Variants in RFWD3 observed in about 807,000 individuals in gnomAD.
The protein encoded by RFWD3 is ring finger and WD repeat domain 3, also known as E3 ubiquitin-protein ligase RFWD3.
A neutral mutation model predicts 87.7 loss-of-function variants in RFWD3; 65 were observed. The observed-to-expected ratio is 0.74, with a 90% CI of 0.61 to 0.91. RFWD3 has a LOEUF of 0.91. Among genes scored for constraint, RFWD3 ranks in the 40% least tolerant of loss-of-function variants. The probability of loss-of-function intolerance (pLI) is 0.00; values close to 1 mark genes in which losing one functional copy is unlikely to be tolerated. For missense variants in RFWD3, 1,078 were observed against 938.5 expected, an observed-to-expected ratio of 1.15 and a Z score of -1.94; for synonymous variants, 433 against 352.8, an observed-to-expected ratio of 1.23 and a Z score of -2.55.
intron 4 of RFWD3, among the ~76,000 whole-genome samples, chr16:74,647,192 T>G (rs555085125): frequency 6.6e-6 from 1 of 151,926 alleles, no homozygotes; most frequent in Non-Finnish European, 1.5e-5. Context: ...AAAGAGCACA[T>G]AGAAATATGC....
At chr16:74,632,185 T>C (rs1462800139) in intron 9 of RFWD3, among the ~76,000 whole-genome samples, 1 of 150,976 alleles carries the variant, frequency 6.6e-6, no homozygotes, top group Non-Finnish European at 1.5e-5. Flanking sequence ...GGTCAGGAGA[T>C]TGAGCCCATC....
At chr16:74,639,418 G>A (rs994474495) in intron 6 of RFWD3, among the ~76,000 whole-genome samples, 2 of 152,150 alleles carry the variant, frequency 1.3e-5, no homozygotes, top group Non-Finnish European at 2.9e-5. Flanking sequence ...GGCCACCATC[G>A]TATATGCAAT....
chr16:74,657,159 G>A (rs922086135), intron 2 of RFWD3, among the ~76,000 whole-genome samples: 1 of 152,206 alleles, frequency 6.6e-6, no homozygotes, highest in Non-Finnish European at 1.5e-5. Context: ...CTCTGGGAAT[G>A]AGGCTTTGAA....
rs200603961 is a variant in RFWD3 at position 74,626,436 on chromosome 16, G to A, written c.2088C>T (p.Cys696=). 4.3e-6 allele frequency: 7 copies of A among 1,614,124 alleles called. No homozygotes were observed. The East Asian group carries it at 1.6e-4, about 36-fold the overall frequency. The change falls in exon 12 of 13, where the codon TGC becomes TGT. Residue 696 remains cysteine, a synonymous_variant. Transcript: ENST00000361070. ...PVHTFFGGPT[C]KLLTKNAIFQ... ...AAATGGCATTTTTGGTCAATAGTTT[G>A]CAAGTAGGTCCTCCAAAAAATGTAT...
chr16:74,642,308 A>G (rs1416536903), intron 6 of RFWD3, among the ~76,000 whole-genome samples: 10 of 151,746 alleles, frequency 6.6e-5, no homozygotes, highest in Admixed American at 1.3e-4. Flanking sequence ...ATTTTTAGTA[A>G]AGATGGGGTT....
intron 2 of RFWD3, among the ~76,000 whole-genome samples, chr16:74,655,461 A>G (rs1348847432): frequency 1.3e-5 from 2 of 149,876 alleles, no homozygotes; most frequent in Admixed American, 6.7e-5. Flanking sequence ...GTTAGCCAGG[A>G]TGGTCTCGAT....
Position 74,626,911 on chromosome 16 carries a change from CTT to C in RFWD3, c.1970-359_1970-358del, listed in dbSNP as rs1597406919. Reference sequence around the variant, plus strand: ...AGAATTCTCAGTAAAAGGTTTTTCCCTTCCCCCAGTGAGAACCTCATTAGCCC... The same window carrying C: ...AGAATTCTCAGTAAAAGGTTTTTCCCCCCCCAGTGAGAACCTCATTAGCCC... On this transcript the variant is annotated intron_variant, in intron 11 of 12. Coordinates refer to ENST00000361070, the MANE Select transcript of RFWD3 (RefSeq NM_018124.4). 3.3e-5 allele frequency among the ~76,000 whole-genome samples: 5 copies of C among 152,252 alleles called. No individual in the cohort carries two copies. The East Asian group carries it at 7.7e-4, about 24-fold the overall frequency.
chr16:74,633,008 G>A (rs1020488736), intron 8 of RFWD3, among the ~76,000 whole-genome samples: 2 of 151,972 alleles, frequency 1.3e-5, no homozygotes, highest in Non-Finnish European at 2.9e-5. Flanking sequence ...CAGGCATGGT[G>A]TCTCACCTCT....
At position 74,623,852 on chromosome 16, in the gene RFWD3, G is replaced by GAA; in HGVS notation, c.*75_*76insTT. The GAA allele has an allele frequency of 6.8e-7, 1 of 1,477,666 alleles. No homozygotes were observed. The highest frequency in any genetic ancestry group is 1.2e-5 in the South Asian group (1 of 82,454). The allele number at this position is 1,477,666 out of a possible 1,614,324, so 91.5% of individuals were successfully genotyped here. A position where few individuals can be genotyped will look rare whatever the true frequency, so the allele number is the denominator to read the frequency against. ...TTCTAGACTGCAGACAATAAACAGG[G>GAA]ATCTTGCTTGGGGCTGCTAGGCGCT... On this transcript the variant is annotated 3_prime_UTR_variant, in exon 13 of 13. Coordinates refer to ENST00000361070, the MANE Select transcript of RFWD3 (RefSeq NM_018124.4).
At position 74,644,528 on chromosome 16, in the gene RFWD3, C is replaced by G; in HGVS notation, c.987+13G>C. ...ACTTAACATGTTAATGTGTCCTTAC[C>G]TATGGTCCTTACCTGGGGACATTTT... On this transcript the variant is annotated intron_variant, in intron 5 of 12. Coordinates refer to ENST00000361070, the MANE Select transcript of RFWD3 (RefSeq NM_018124.4). 6.2e-7 allele frequency: 1 copy of G among 1,614,150 alleles called. No individual in the cohort carries two copies. The highest frequency in any genetic ancestry group is 8.5e-7 in the Non-Finnish European group (1 of 1,179,976).
chr16:74,625,906 C>T (rs1958917888), intron 12 of RFWD3, among the ~76,000 whole-genome samples: 1 of 152,218 alleles, frequency 6.6e-6, no homozygotes, highest in Admixed American at 6.5e-5. Flanking sequence ...AACATCTCAG[C>T]TGGGTGCAAT....
At chr16:74,648,767 T>TC (rs1345039810) in intron 4 of RFWD3, among the ~76,000 whole-genome samples, 1 of 150,166 alleles carries the variant, frequency 6.7e-6, no homozygotes, top group African/African-American at 2.5e-5. Context: ...AGAGTGAGAC[T>TC]CCGTCTCAAA....
At chr16:74,626,232 A>G (rs573691157) in intron 12 of RFWD3, 111 bp downstream of exon 12, 1 of 921,394 alleles carries the variant, frequency 1.1e-6, no homozygotes, top group Non-Finnish European at 1.7e-6. Flanking sequence ...ACAGAGCAGA[A>G]CTTACACTTT....
intron 12 of RFWD3, 28 bp downstream of exon 12, chr16:74,626,315 T>C (rs750831194): frequency 1.3e-6 from 2 of 1,593,422 alleles, no homozygotes; most frequent in Non-Finnish European, 1.7e-6. Context: ...CTACTTTTTA[T>C]ATGAAAGTAA....
At chr16:74,648,229 G>C (rs1444330694) in intron 4 of RFWD3, among the ~76,000 whole-genome samples, 1 of 151,986 alleles carries the variant, frequency 6.6e-6, no homozygotes, top group Non-Finnish European at 1.5e-5. Flanking sequence ...TTAAATCTAA[G>C]AGACAGCAGT....
rs1960628641 is a variant in RFWD3 at position 74,652,259 on chromosome 16, G to C, written c.519-137C>G. Reference sequence around the variant, plus strand: ...AATGCTGCCTTTGAAAGCTGAAGCAGGTATAGCAGATAAGGGGGGGAGACT... The same window carrying C: ...AATGCTGCCTTTGAAAGCTGAAGCACGTATAGCAGATAAGGGGGGGAGACT... On this transcript the variant is annotated intron_variant, in intron 2 of 12. Transcript: ENST00000361070. 7 of 740,362 alleles carry C rather than the reference G, an allele frequency of 9.5e-6. No homozygotes were observed. The East Asian group carries it at 1.9e-4, about 20-fold the overall frequency. The allele number at this position is 740,362 out of a possible 1,614,324, so 45.9% of individuals were successfully genotyped here.
At chr16:74,652,691 G>T (rs1396924272) in intron 2 of RFWD3, among the ~76,000 whole-genome samples, 1 of 152,104 alleles carries the variant, frequency 6.6e-6, no homozygotes, top group East Asian at 1.9e-4. Context: ...AGAATGATGA[G>T]AAGACCTGGG....
rs980938033 is a variant in RFWD3, at chr16:74,646,453, C to T, written c.793-1718G>A. ...TCCCAAGTAGTTGAGACAACACAGG[C>T]GTGTGCCACCATACACCAACCATGC... On this transcript the variant is annotated intron_variant, in intron 4 of 12. Coordinates refer to ENST00000361070, the MANE Select transcript of RFWD3 (RefSeq NM_018124.4). Among the ~76,000 whole-genome samples, 4 of 152,154 alleles carry T rather than the reference C, an allele frequency of 2.6e-5. No homozygotes were observed. The East Asian group carries it at 7.7e-4, about 29-fold the overall frequency.
chr16:74,654,509 C>G (rs878888204), intron 2 of RFWD3, among the ~76,000 whole-genome samples: 1 of 152,134 alleles, frequency 6.6e-6, no homozygotes, highest in Non-Finnish European at 1.5e-5. Context: ...CTCCCTCCCT[C>G]TCCTTGGGAT....
Sources: allele counts gnomAD v4.1 joint callset (sites outside exome capture counted in the v4.1 genomes callset), GRCh38; gene constraint gnomAD v4.1.1; transcripts MANE v1.5; gene names NCBI Gene and HGNC (gene_info 2026-07-23, HGNC 2026-07-21).